ZNF536: variants seen among roughly 807,000 people sequenced by gnomAD.
The protein encoded by ZNF536 is zinc finger protein 536.
ZNF536 carries 13 observed loss-of-function variants against 84.5 expected under a neutral mutation model. That is an observed-to-expected ratio of 0.15 (90% CI 0.10 to 0.24). The LOEUF (loss-of-function observed/expected upper bound fraction) is 0.24, where lower values mean the gene tolerates loss of function less well. Ranked by LOEUF, ZNF536 falls within the 10% of genes least tolerant of loss-of-function variation. ZNF536 has a pLI of 1.00. For synonymous variants in ZNF536, 811 were observed against 742.5 expected (o/e 1.09, Z -1.50); for missense variants, 1,536 against 1,747.5 (o/e 0.88, Z 2.16).
At chr19:30,667,187 T>C (rs960864225) in intron 1 of ZNF536, among the ~76,000 whole-genome samples, 3 of 152,162 alleles carry the variant, frequency 2.0e-5, no homozygotes, top group African/African-American at 7.2e-5. Flanking sequence ...GCTGTAGACC[T>C]CCCGAGCACC....
intron 3 of ZNF536, among the ~76,000 whole-genome samples, chr19:30,353,052 G>A (rs185983899): frequency 9.2e-4 from 140 of 152,292 alleles, no homozygotes; most frequent in African/African-American, 3.1e-3. Context: ...ATGTGGAAAA[G>A]TGAAAGTTAA....
intron 2 of ZNF536, among the ~76,000 whole-genome samples, chr19:30,529,710 T>G (rs1164205574): frequency 6.6e-6 from 1 of 152,158 alleles, no homozygotes; most frequent in Non-Finnish European, 1.5e-5. Flanking sequence ...TTAAAAAACT[T>G]GGATCCACCT....
chr19:30,439,300 A>G (rs1211824240), intron 1 of ZNF536, among the ~76,000 whole-genome samples: 1 of 152,206 alleles, frequency 6.6e-6, no homozygotes, highest in African/African-American at 2.4e-5. Context: ...CTGGCCCCTT[A>G]GATGAACAGG....
At chr19:30,700,347 C>A (rs907833102) in intron 1 of ZNF536, among the ~76,000 whole-genome samples, 1 of 149,038 alleles carries the variant, frequency 6.7e-6, no homozygotes, top group Non-Finnish European at 1.5e-5. Context: ...CTCCCTCCCC[C>A]CTCCTTCCTT....
In ZNF536 at chr19:30,439,508, A is replaced by T. The variant is rs1281942220; in HGVS notation, c.-2-4053A>T. ...TTGGCGCAGAGACAGCACACCAATT[A>T]CCCCATACTCTTTCCAGGAACTCGT... is the stretch of plus-strand genomic sequence containing the variant. On this transcript the variant is annotated intron_variant, in intron 1 of 4. Transcript: ENST00000355537. Among the ~76,000 whole-genome samples the T allele has an allele frequency of 3.3e-5, 5 of 152,196 alleles. No homozygotes were observed. In the East Asian group the frequency reaches 9.7e-4, roughly 29 times the overall value.
chr19:30,673,410 T>C (rs2050633756), intron 1 of ZNF536, among the ~76,000 whole-genome samples: 1 of 152,182 alleles, frequency 6.6e-6, no homozygotes, highest in Non-Finnish European at 1.5e-5. Context: ...TCTTCATTGC[T>C]CCACGCTGGG....
intron 2 of ZNF536, among the ~76,000 whole-genome samples, chr19:30,493,135 A>G (rs1373444409): frequency 8.1e-6 from 1 of 124,172 alleles, no homozygotes; most frequent in African/African-American, 3.2e-5. Flanking sequence ...CTCAGTGCAC[A>G]TAGTTCTGGG....
At chr19:30,648,204 A>G (rs1347016344) in intron 1 of ZNF536, among the ~76,000 whole-genome samples, 1 of 152,144 alleles carries the variant, frequency 6.6e-6, no homozygotes, top group East Asian at 1.9e-4. Flanking sequence ...TCTTAGCTGC[A>G]GGTGCCCTGT....
At chr19:30,406,241 A>G (rs956928506) in intron 1 of ZNF536, among the ~76,000 whole-genome samples, 3 of 152,186 alleles carry the variant, frequency 2.0e-5, no homozygotes, top group African/African-American at 7.2e-5. Flanking sequence ...AAGAAAAGGG[A>G]ACAACTAGTC....
intron 1 of ZNF536, among the ~76,000 whole-genome samples, chr19:30,396,494 G>C (rs2049821525): frequency 6.6e-6 from 1 of 152,030 alleles, no homozygotes. Flanking sequence ...TTGTTACAGT[G>C]TAGCAGTTTC....
rs149031925 is a variant in ZNF536, at chr19:30,549,774, C to T, written c.3895+260C>T. On this transcript the variant is annotated intron_variant, in intron 4 of 4. Transcript: ENST00000355537. Reference sequence around the variant, plus strand: ...CAGAAGGCATGGAAAAGGGGGTGGTCGCTCACCATGTGAACTACTCCTGTT... The same window carrying T: ...CAGAAGGCATGGAAAAGGGGGTGGTTGCTCACCATGTGAACTACTCCTGTT... Among the ~76,000 whole-genome samples the T allele has an allele frequency of 7.2e-3, 1,090 of 152,192 alleles. 14 individuals are homozygous for T. Among genetic ancestry groups the T allele is most frequent in the African/African-American group, 0.025 (1,048 of 41,528 alleles).
At chr19:30,670,490 G>A (rs2050506722) in intron 1 of ZNF536, among the ~76,000 whole-genome samples, 2 of 152,222 alleles carry the variant, frequency 1.3e-5, no homozygotes, top group Admixed American at 6.5e-5. Flanking sequence ...CCCATGGCAA[G>A]CACCTACTCA....
chr19:30,229,574 G>GGT (rs1555770112), intron 1 of ZNF536, among the ~76,000 whole-genome samples: 1 of 152,132 alleles, frequency 6.6e-6, no homozygotes, highest in African/African-American at 2.4e-5. Context: ...CGGGTGGTGG[G>GGT]GGGGGCTCAG....
chr19:30,432,105 A>T (rs1010913257), intron 1 of ZNF536, among the ~76,000 whole-genome samples: 23 of 151,762 alleles, frequency 1.5e-4, no homozygotes, highest in African/African-American at 5.6e-4. Flanking sequence ...GGTGGACACA[A>T]TTCAGATAAA....
At chr19:30,398,997 C>A (rs753994961) in intron 1 of ZNF536, among the ~76,000 whole-genome samples, 5 of 152,340 alleles carry the variant, frequency 3.3e-5, no homozygotes, top group Non-Finnish European at 5.9e-5. Flanking sequence ...GCCACACTGT[C>A]TTCCACAATG....
intron 1 of ZNF536, among the ~76,000 whole-genome samples, chr19:30,672,647 A>G (rs1224808201): frequency 6.6e-6 from 1 of 152,222 alleles, no homozygotes; most frequent in East Asian, 1.9e-4. Flanking sequence ...AGCCTGGTTT[A>G]AAAAACAAAC....
intron 2 of ZNF536, among the ~76,000 whole-genome samples, chr19:30,346,873 T>C (rs1317577621): frequency 6.6e-6 from 1 of 152,210 alleles, no homozygotes; most frequent in African/African-American, 2.4e-5. Flanking sequence ...AGTAATGGGA[T>C]TGCTAGGTCA....
chr19:30,513,837 G>T (rs2055520486), intron 2 of ZNF536, among the ~76,000 whole-genome samples: 1 of 152,218 alleles, frequency 6.6e-6, no homozygotes, highest in Non-Finnish European at 1.5e-5. Flanking sequence ...GTGAATGCTA[G>T]AACATTCTCC....
intron 3 of ZNF536, among the ~76,000 whole-genome samples, chr19:30,537,123 G>A (rs1181760701): frequency 3.9e-5 from 6 of 152,218 alleles, no homozygotes; most frequent in Admixed American, 3.3e-4. Flanking sequence ...TTGTCCAGCT[G>A]TGTCCCCAGC....
Sources: gnomAD v4.1 joint callset for allele counts (sites outside exome capture counted in the v4.1 genomes callset) on GRCh38, gnomAD v4.1.1 for gene constraint, MANE v1.5 for transcripts, NCBI Gene and HGNC (gene_info 2026-07-23, HGNC 2026-07-21) for gene names.